Variants in GSTO2 observed in about 807,000 individuals in gnomAD.
GSTO2 encodes the protein glutathione S-transferase omega-2.
A neutral mutation model predicts 28.4 loss-of-function variants in GSTO2; 23 were observed. That is an observed-to-expected ratio of 0.81 (90% CI 0.58 to 1.15). The LOEUF (loss-of-function observed/expected upper bound fraction) is 1.15. Ranked by LOEUF, GSTO2 falls within the 50% of genes most tolerant of loss-of-function variation. The probability of loss-of-function intolerance (pLI) is 0.00; values close to 1 mark genes in which losing one functional copy is unlikely to be tolerated. For synonymous variants in GSTO2, 109 were observed against 111.0 expected (o/e 0.98, Z 0.11); for missense variants, 298 against 297.8 (o/e 1.00, Z 0.00).
chr10:104,270,113 A>G (rs1220922944), intron 1 of GSTO2, among the ~76,000 whole-genome samples: 5 of 150,868 alleles, frequency 3.3e-5, no homozygotes, highest in African/African-American at 4.9e-5. Context: ...TCCCGGGTTC[A>G]CGCCATTCTC....
rs1025610433 is a variant in GSTO2 at position 104,299,668 on chromosome 10, G to C, written c.*384G>C. On this transcript the variant is annotated 3_prime_UTR_variant, in exon 7 of 7. Coordinates refer to ENST00000338595, the MANE Select transcript of GSTO2 (RefSeq NM_183239.2). ...TTTTTAAAAAAATGTTGTTGAGACA[G>C]GGTCTCACTATGTTGCTCAGGCTGG... 1.7e-4 allele frequency: 40 copies of C among 233,640 alleles called. No individual in the cohort carries two copies. In the South Asian group the frequency reaches 1.8e-3, roughly 10 times the overall value. 14.5% of individuals were successfully genotyped at this position (233,640 alleles called of 1,614,324 possible). A position where few individuals can be genotyped will look rare whatever the true frequency, so the allele number is the denominator to read the frequency against.
chr10:104,277,216 T>C (rs531154311), intron 3 of GSTO2, among the ~76,000 whole-genome samples: 1 of 152,312 alleles, frequency 6.6e-6, no homozygotes, highest in African/African-American at 2.4e-5. Context: ...AGCTGTAGAA[T>C]GTACTAAACT....
rs2013275769 is a variant in GSTO2 at position 104,302,158 on chromosome 10, A to C, written c.*2874A>C. 1 of 152,168 alleles carries C rather than the reference A, an allele frequency of 6.6e-6. No homozygotes were observed. The highest frequency in any genetic ancestry group is 6.5e-5 in the Admixed American group (1 of 15,280). The allele number at this position is 152,168 out of a possible 1,614,324, so 9.4% of individuals were successfully genotyped here. The stretch of plus-strand genomic sequence containing the variant: ...TTATAAAACCATTAGATCTCATGAG[A>C]ACTCACTCACTGTCATGAGAAAAGC... On this transcript the variant is annotated 3_prime_UTR_variant, in exon 7 of 7. Coordinates refer to ENST00000338595, the MANE Select transcript of GSTO2 (RefSeq NM_183239.2).
At position 104,275,754 on chromosome 10, in the gene GSTO2, A is replaced by C. The variant is rs369469227; in HGVS notation, c.143+420A>C. Reference sequence around the variant, plus strand: ...CCAGCATTTTCTTATTTGTTCATCCATCTCCCCTCCCCAGTCCCCTTCACC... The same window carrying C: ...CCAGCATTTTCTTATTTGTTCATCCCTCTCCCCTCCCCAGTCCCCTTCACC... On this transcript the variant is annotated intron_variant, in intron 3 of 6. Transcript: ENST00000338595. 4.0e-5 allele frequency among the ~76,000 whole-genome samples: 6 copies of C among 151,290 alleles called. No individual in the cohort carries two copies. In the East Asian group the frequency reaches 7.8e-4, roughly 20 times the overall value.
rs551367918 is a variant in GSTO2, at chr10:104,300,310, G to C, written c.*1026G>C. 1.3e-5 allele frequency: 2 copies of C among 152,190 alleles called. No individual in the cohort carries two copies. The highest frequency in any genetic ancestry group is 2.9e-5 in the Non-Finnish European group (2 of 68,044). The allele number at this position is 152,190 out of a possible 1,614,324, so 9.4% of individuals were successfully genotyped here. A position where few individuals can be genotyped will look rare whatever the true frequency, so the allele number is the denominator to read the frequency against. ...CCCAGCCACAAGCAAAGGTCATTCC[G>C]TTGGATTTGCGTCACACTCTCTTCC... On this transcript the variant is annotated 3_prime_UTR_variant, in exon 7 of 7. Coordinates refer to ENST00000338595, the MANE Select transcript of GSTO2 (RefSeq NM_183239.2).
At chr10:104,275,619 C>T (rs891920945) in intron 3 of GSTO2, among the ~76,000 whole-genome samples, 1 of 152,102 alleles carries the variant, frequency 6.6e-6, no homozygotes, top group East Asian at 1.9e-4. Flanking sequence ...TGTTTAAGGG[C>T]ACAGCCAACA....
intron 3 of GSTO2, among the ~76,000 whole-genome samples, chr10:104,275,555 C>G (rs276204): frequency 0.45 from 68,118 of 151,942 alleles, 18,060 homozygotes; most frequent in African/African-American, 0.75. Flanking sequence ...AAACTTCTAG[C>G]CCAGCGCAGA....
In GSTO2 at chr10:104,275,529, G is replaced by A. The variant is rs557636877; in HGVS notation, c.143+195G>A. ...ACTGAAATGCGGAGCCCTTTTCCGA[G>A]TCACGCCTATGCATGAAACTTCTAG... On this transcript the variant is annotated intron_variant, in intron 3 of 6. Coordinates refer to ENST00000338595, the MANE Select transcript of GSTO2 (RefSeq NM_183239.2). Among the ~76,000 whole-genome samples, 22 of 152,272 alleles carry A rather than the reference G, an allele frequency of 1.4e-4. No homozygotes were observed. In the South Asian group the frequency reaches 3.9e-3, roughly 27 times the overall value.
chr10:104,287,086 C>T (rs904101458), intron 5 of GSTO2, among the ~76,000 whole-genome samples: 1 of 152,178 alleles, frequency 6.6e-6, no homozygotes, highest in African/African-American at 2.4e-5. Context: ...CAGGGTTTTA[C>T]TCTGTTGCCC....
intron 5 of GSTO2, chr10:104,295,059 T>C (rs1341768120): frequency 6.6e-6 from 1 of 152,218 alleles, no homozygotes. Flanking sequence ...GGTTCTGATT[T>C]GTGCCGTGAA....
At chr10:104,273,048 C>T (rs1035403263) in intron 1 of GSTO2, among the ~76,000 whole-genome samples, 7 of 152,236 alleles carry the variant, frequency 4.6e-5, no homozygotes, top group African/African-American at 1.7e-4. Flanking sequence ...ATATTTTTCT[C>T]AACTATCTTG....
rs186521452 is a variant in GSTO2, at chr10:104,293,493, C to G, written c.469-4085C>G. 1.5e-3 allele frequency among the ~76,000 whole-genome samples: 221 copies of G among 150,900 alleles called. 1 individual carries two copies. Among genetic ancestry groups the G allele is most frequent in the African/African-American group, 4.6e-3 (189 of 41,024 alleles). ...CCCAGGTTGGTCTCAAACTTCTGGGCTCAAGTGATCTGCCCACTTCGGCCT... is the reference window on the plus strand; with the variant it reads ...CCCAGGTTGGTCTCAAACTTCTGGGGTCAAGTGATCTGCCCACTTCGGCCT... On this transcript the variant is annotated intron_variant, in intron 5 of 6. Transcript: ENST00000338595.
chr10:104,280,157 A>G (rs2011936363), intron 5 of GSTO2, among the ~76,000 whole-genome samples: 1 of 119,412 alleles, frequency 8.4e-6, no homozygotes, highest in East Asian at 2.7e-4. Context: ...CAGAGTAAGT[A>G]GGACTGACAA....
rs889122131 is a variant in GSTO2, at chr10:104,303,628, A to G, written c.*4344A>G. ...GCAGCCAGCTATGTGGTAGAAAAGA[A>G]GAGCCCGTTTTCAGGGAAGGAATTC... On this transcript the variant is annotated 3_prime_UTR_variant, in exon 7 of 7. Transcript: ENST00000338595. The G allele has an allele frequency of 6.6e-6, 1 of 152,248 alleles. No individual in the cohort carries two copies. The highest frequency in any genetic ancestry group is 6.5e-5 in the Admixed American group (1 of 15,286). 9.4% of individuals were successfully genotyped at this position (152,248 alleles called of 1,614,324 possible). A position where few individuals can be genotyped will look rare whatever the true frequency, so the allele number is the denominator to read the frequency against.
chr10:104,278,226 C>A (rs2011766456), intron 4 of GSTO2, 110 bp downstream of exon 4: 2 of 776,312 alleles, frequency 2.6e-6, no homozygotes, highest in Non-Finnish European at 4.3e-6. Flanking sequence ...TGTTTTGATA[C>A]CATGTGATCC....
chr10:104,271,175 G>A (rs991095579), intron 1 of GSTO2, among the ~76,000 whole-genome samples: 4 of 152,230 alleles, frequency 2.6e-5, no homozygotes, highest in African/African-American at 9.6e-5. Flanking sequence ...GGAAAGTATA[G>A]TGTTCAGAGG....
rs997167811 is a variant in GSTO2 at position 104,299,371 on chromosome 10, CTCTT to C, written c.*93_*96del. The C allele has an allele frequency of 4.6e-5, 65 of 1,418,272 alleles. No individual in the cohort carries two copies. Among genetic ancestry groups the C allele is most frequent in the East Asian group, 1.4e-4 (6 of 43,348 alleles). The allele number at this position is 1,418,272 out of a possible 1,614,324, so 87.9% of individuals were successfully genotyped here. A position where few individuals can be genotyped will look rare whatever the true frequency, so the allele number is the denominator to read the frequency against. Reference sequence around the variant, plus strand: ...GCTTGTCTTGGGAACCAATCCGTCTCTCTTTCTTTTCTTTGAAGTTCCCAATAAA... The same window carrying C: ...GCTTGTCTTGGGAACCAATCCGTCTCTCTTTTCTTTGAAGTTCCCAATAAA... On this transcript the variant is annotated 3_prime_UTR_variant, in exon 7 of 7. Transcript: ENST00000338595.
chr10:104,303,628 A>T lies in GSTO2; in HGVS notation c.*4344A>T, dbSNP rs889122131. On this transcript the variant is annotated 3_prime_UTR_variant, in exon 7 of 7. Coordinates refer to ENST00000338595, the MANE Select transcript of GSTO2 (RefSeq NM_183239.2). ...GCAGCCAGCTATGTGGTAGAAAAGA[A>T]GAGCCCGTTTTCAGGGAAGGAATTC... is the stretch of plus-strand genomic sequence containing the variant. 1 of 152,248 alleles carries T rather than the reference A, an allele frequency of 6.6e-6. No homozygotes were observed. Among genetic ancestry groups the T allele is most frequent in the African/African-American group, 2.4e-5 (1 of 41,466 alleles). The allele number at this position is 152,248 out of a possible 1,614,324, so 9.4% of individuals were successfully genotyped here.
chr10:104,284,084 G>A (rs183669146), intron 5 of GSTO2, among the ~76,000 whole-genome samples: 253 of 151,642 alleles, frequency 1.7e-3, no homozygotes, highest in Middle Eastern at 0.01. Context: ...TTTCAGGTGG[G>A]TTCAGTGGCT....
Sources: gnomAD v4.1 joint callset for allele counts (sites outside exome capture counted in the v4.1 genomes callset) on GRCh38, gnomAD v4.1.1 for gene constraint, MANE v1.5 for transcripts, NCBI Gene and HGNC (gene_info 2026-07-23, HGNC 2026-07-21) for gene names.